PAQR5: variants seen among roughly 807,000 people sequenced by gnomAD.
PAQR5 encodes membrane progestin receptor gamma.
In PAQR5, 20 loss-of-function variants were observed where a neutral mutation model predicts 34.5. The observed-to-expected ratio is 0.58, with a 90% CI of 0.41 to 0.84. PAQR5 has a LOEUF of 0.84. Among genes scored for constraint, PAQR5 ranks in the 40% least tolerant of loss-of-function variants. The pLI, the probability that PAQR5 is intolerant of heterozygous loss-of-function variation, is 0.00. For synonymous variants in PAQR5, 131 were observed against 155.6 expected (o/e 0.84, Z 1.18); for missense variants, 378 against 412.7 (o/e 0.92, Z 0.73).
intron 3 of PAQR5, among the ~76,000 whole-genome samples, chr15:69,373,591 C>T (rs1207864909): frequency 6.6e-6 from 1 of 152,130 alleles, no homozygotes; most frequent in Non-Finnish European, 1.5e-5. Context: ...CTAGCACACA[C>T]TACCTGAGTT....
At position 69,406,359 on chromosome 15, in the gene PAQR5, T is replaced by C. The variant is rs1301488107; in HGVS notation, c.*2537T>C. 1 of 152,206 alleles carries C rather than the reference T, an allele frequency of 6.6e-6. No individual in the cohort carries two copies. The highest frequency in any genetic ancestry group is 2.4e-5 in the African/African-American group (1 of 41,440). The allele number at this position is 152,206 out of a possible 1,614,324, so 9.4% of individuals were successfully genotyped here. A position where few individuals can be genotyped will look rare whatever the true frequency, so the allele number is the denominator to read the frequency against. On this transcript the variant is annotated 3_prime_UTR_variant, in exon 9 of 9. Transcript: ENST00000395407. ...GGCCATTCAGTTAACTTTACCTCCC[T>C]TTACCCATTGAAGGGGTTCCTTTTC...
intron 2 of PAQR5, among the ~76,000 whole-genome samples, chr15:69,350,667 T>TCACACACACA (rs61320862): frequency 6.7e-6 from 1 of 148,718 alleles, no homozygotes; most frequent in African/African-American, 2.5e-5. Flanking sequence ...AATTAAAAAA[T>TCACACACACA]CACACACACA....
intron 1 of PAQR5, among the ~76,000 whole-genome samples, chr15:69,318,123 C>T (rs1020679916): frequency 3.3e-5 from 5 of 152,220 alleles, no homozygotes; most frequent in Admixed American, 2.6e-4. Flanking sequence ...AGGAGCCCTG[C>T]CATCCAGAGG....
chr15:69,370,331 C>G (rs926447397), intron 3 of PAQR5, among the ~76,000 whole-genome samples: 3 of 152,168 alleles, frequency 2.0e-5, no homozygotes, highest in African/African-American at 7.2e-5. Context: ...CTTGTCTTGC[C>G]ATGCTCTCAT....
At chr15:69,344,382 C>G (rs979153580) in intron 2 of PAQR5, among the ~76,000 whole-genome samples, 26 of 152,152 alleles carry the variant, frequency 1.7e-4, no homozygotes. Flanking sequence ...ACTCATTTCT[C>G]CAAAGAAACA....
At position 69,301,859 on chromosome 15, in the gene PAQR5, ATT is replaced by A. The variant is rs71149903; in HGVS notation, c.-277+2839_-277+2840del. Among the ~76,000 whole-genome samples the A allele has an allele frequency of 3.1e-3, 308 of 98,806 alleles. 6 individuals are homozygous for A. The highest frequency in any genetic ancestry group is 4.9e-3 in the Middle Eastern group (1 of 204). The allele number at this position is 98,806 out of a possible 152,430, so 64.8% of individuals were successfully genotyped here. On this transcript the variant is annotated intron_variant, in intron 1 of 8. Coordinates refer to ENST00000395407, the MANE Select transcript of PAQR5 (RefSeq NM_017705.4). ...GTGAATTCATAAGAAATGGGGGGAGATTTTTTTTTTTTTTTTTTTTTTTTTTT... is the reference window on the plus strand; with the variant it reads ...GTGAATTCATAAGAAATGGGGGGAGATTTTTTTTTTTTTTTTTTTTTTTTT...
intron 2 of PAQR5, among the ~76,000 whole-genome samples, chr15:69,338,530 CA>C (rs1368694922): frequency 1.3e-5 from 2 of 152,204 alleles, no homozygotes; most frequent in East Asian, 3.9e-4. Flanking sequence ...TACACTCAGA[CA>C]GTTAGAAAGC....
chr15:69,369,486 A>G (rs887465465), intron 3 of PAQR5, among the ~76,000 whole-genome samples: 9 of 152,302 alleles, frequency 5.9e-5, no homozygotes, highest in African/African-American at 1.9e-4. Flanking sequence ...CAGTAAGCCA[A>G]GATAACACCA....
intron 1 of PAQR5, among the ~76,000 whole-genome samples, chr15:69,333,241 G>GA (rs2054429937): frequency 6.6e-6 from 1 of 151,982 alleles, no homozygotes; most frequent in Admixed American, 6.6e-5. Flanking sequence ...CCCCGTTTTG[G>GA]AAAAAAGGCT....
rs541068439 is a variant in PAQR5, at chr15:69,358,131, T to C, written c.-115-1835T>C. Among the ~76,000 whole-genome samples, 13 of 152,182 alleles carry C rather than the reference T, an allele frequency of 8.5e-5. No individual in the cohort carries two copies. In the South Asian group the frequency reaches 2.5e-3, roughly 29 times the overall value. On this transcript the variant is annotated intron_variant, in intron 2 of 8. Coordinates refer to ENST00000395407, the MANE Select transcript of PAQR5 (RefSeq NM_017705.4). ...GATGATAGGGGTAAAGGAGGAAATT[T>C]ACTATGGTAAATTCCCAACTCTGCT...
chr15:69,339,943 C>T (rs567815058), intron 2 of PAQR5, among the ~76,000 whole-genome samples: 14 of 152,060 alleles, frequency 9.2e-5, no homozygotes, highest in South Asian at 2.1e-4. Flanking sequence ...CTTGGCTCAC[C>T]GCAACCTCTG....
At chr15:69,380,871 T>A (rs1015697107) in intron 4 of PAQR5, among the ~76,000 whole-genome samples, 5 of 152,146 alleles carry the variant, frequency 3.3e-5, no homozygotes, top group Non-Finnish European at 5.9e-5. Flanking sequence ...GTCACTGGAC[T>A]CCCTCCAGTC....
chr15:69,354,363 T>C (rs1595887092), intron 2 of PAQR5, among the ~76,000 whole-genome samples: 2 of 152,362 alleles, frequency 1.3e-5, no homozygotes, highest in East Asian at 3.9e-4. Context: ...CAAATATCCT[T>C]GTGCTTCTCT....
At chr15:69,329,463 CTT>C (rs1038357937) in intron 1 of PAQR5, among the ~76,000 whole-genome samples, 2 of 73,764 alleles carry the variant, frequency 2.7e-5, no homozygotes, top group African/African-American at 5.7e-5. Flanking sequence ...TTTTTTCTTT[CTT>C]TTTTTTTTTT....
chr15:69,391,567 A>G (rs556656700), intron 6 of PAQR5: 2 of 437,424 alleles, frequency 4.6e-6, no homozygotes, highest in Admixed American at 2.6e-5. Flanking sequence ...ACCTGGGTGC[A>G]TGGGCTTGTG....
intron 3 of PAQR5, among the ~76,000 whole-genome samples, chr15:69,371,233 C>CA (rs1184788256): frequency 3.3e-5 from 5 of 151,890 alleles, no homozygotes; most frequent in Non-Finnish European, 7.4e-5. Context: ...GCTGGAATTA[C>CA]AAAAAAATAA....
intron 1 of PAQR5, among the ~76,000 whole-genome samples, chr15:69,325,293 C>G (rs574554917): frequency 6.6e-6 from 1 of 152,278 alleles, no homozygotes; most frequent in East Asian, 1.9e-4. Flanking sequence ...TTTTTAAGCA[C>G]TGTCTATCCC....
chr15:69,399,382 C>T (rs1380063758), intron 7 of PAQR5, among the ~76,000 whole-genome samples: 2 of 152,212 alleles, frequency 1.3e-5, no homozygotes, highest in South Asian at 4.1e-4. Flanking sequence ...ACTTGCTTTT[C>T]TCTAGCTTAC....
intron 2 of PAQR5, among the ~76,000 whole-genome samples, chr15:69,342,856 C>G (rs2140742053): frequency 6.6e-6 from 1 of 152,356 alleles, no homozygotes. Context: ...TCCAGCCACG[C>G]TCAGACCCTG....
Sources: allele counts gnomAD v4.1 joint callset (sites outside exome capture counted in the v4.1 genomes callset), GRCh38; gene constraint gnomAD v4.1.1; transcripts MANE v1.5; gene names NCBI Gene and HGNC (gene_info 2026-07-23, HGNC 2026-07-21).